Variants in RARS2 observed in about 807,000 individuals in gnomAD.
RARS2 encodes probable arginine--tRNA ligase, mitochondrial.
In RARS2, 67 loss-of-function variants were observed where a neutral mutation model predicts 88.5. The ratio of observed to expected loss-of-function variants is 0.76; its 90% CI spans 0.62 to 0.93. The LOEUF (loss-of-function observed/expected upper bound fraction) is 0.93. Ranked by LOEUF, RARS2 falls within the 40% of genes least tolerant of loss-of-function variation. The pLI, the probability that RARS2 is intolerant of heterozygous loss-of-function variation, is 0.00. For missense variants in RARS2, 664 were observed against 684.2 expected, an observed-to-expected ratio of 0.97 and a Z score of 0.33; for synonymous variants, 239 against 230.3, an observed-to-expected ratio of 1.04 and a Z score of -0.34.
chr6:87,526,620 T>C (rs1246004143), intron 10 of RARS2, among the ~76,000 whole-genome samples: 3 of 149,604 alleles, frequency 2.0e-5, no homozygotes, highest in East Asian at 3.9e-4. Flanking sequence ...ATAGGACCAA[T>C]GGAATAGAAT....
At chr6:87,574,015 C>A (rs1343219805) in intron 1 of RARS2, among the ~76,000 whole-genome samples, 1 of 152,228 alleles carries the variant, frequency 6.6e-6, no homozygotes, top group Non-Finnish European at 1.5e-5. Flanking sequence ...CACCCCAAAT[C>A]TGGAGAAAAA....
intron 8 of RARS2, among the ~76,000 whole-genome samples, chr6:87,532,173 G>A (rs1037321886): frequency 6.6e-6 from 1 of 152,078 alleles, no homozygotes; most frequent in Non-Finnish European, 1.5e-5. Context: ...TGGAATGACA[G>A]ACTTAAATAA....
chr6:87,550,789 C>A (rs1243757958), intron 5 of RARS2, among the ~76,000 whole-genome samples: 12 of 118,392 alleles, frequency 1.0e-4, no homozygotes, highest in South Asian at 2.6e-4. Flanking sequence ...ATTAAAGGAA[C>A]ATAAAATACA....
intron 4 of RARS2, among the ~76,000 whole-genome samples, chr6:87,556,618 C>A (rs541258588): frequency 6.6e-6 from 1 of 151,788 alleles, no homozygotes; most frequent in Non-Finnish European, 1.5e-5. Flanking sequence ...AACCCCATCT[C>A]TACTAAAAAA....
chr6:87,567,246 C>T (rs992562607), intron 2 of RARS2, among the ~76,000 whole-genome samples: 13 of 74,516 alleles, frequency 1.7e-4, no homozygotes, highest in African/African-American at 1.5e-4. Flanking sequence ...AGCAAGATTC[C>T]GCCTCAAAAA....
At chr6:87,524,824 T>C (rs1775136583) in intron 10 of RARS2, among the ~76,000 whole-genome samples, 172 bp from the exon 11 acceptor site, 1 of 152,158 alleles carries the variant, frequency 6.6e-6, no homozygotes, top group South Asian at 2.1e-4. Flanking sequence ...TGACCAAGAA[T>C]CTCTTATGAA....
At position 87,536,601 on chromosome 6, in the gene RARS2, C is replaced by T. The variant is rs369589076; in HGVS notation, c.612+5317G>A. ...GCAGTGAGCTGAGATCACGCCACTGCACTCCAGCCTGGGCAACAGGGCAAG... is the reference window on the plus strand; with the variant it reads ...GCAGTGAGCTGAGATCACGCCACTGTACTCCAGCCTGGGCAACAGGGCAAG... On this transcript the variant is annotated intron_variant, in intron 8 of 19. Coordinates refer to ENST00000369536, the MANE Select transcript of RARS2 (RefSeq NM_020320.5). Among the ~76,000 whole-genome samples the T allele has an allele frequency of 3.1e-3, 457 of 148,660 alleles. 1 individual carries two copies. Among genetic ancestry groups the T allele is most frequent in the African/African-American group, 0.01 (419 of 40,098 alleles).
At chr6:87,558,719 G>A (rs1786813320) in intron 4 of RARS2, among the ~76,000 whole-genome samples, 1 of 152,142 alleles carries the variant, frequency 6.6e-6, no homozygotes, top group Non-Finnish European at 1.5e-5. Flanking sequence ...TAGGCTGCCA[G>A]TCAAATAAAA....
At chr6:87,547,767 G>C (rs1783022407) in intron 6 of RARS2, among the ~76,000 whole-genome samples, 1 of 151,796 alleles carries the variant, frequency 6.6e-6, no homozygotes, top group Non-Finnish European at 1.5e-5. Flanking sequence ...AGCCTCCTGA[G>C]TAGCTGGGAT....
Position 87,532,911 on chromosome 6 carries a change from G to C in RARS2, c.613-1969C>G, listed in dbSNP as rs72922546. On this transcript the variant is annotated intron_variant, in intron 8 of 19. Coordinates refer to ENST00000369536, the MANE Select transcript of RARS2 (RefSeq NM_020320.5). ...AAGGGTCCCCATAAGATAGTAAACT[G>C]CGGACTTCTTGACTTTTGAATGACA... Among the ~76,000 whole-genome samples the C allele has an allele frequency of 7.7e-3, 1,166 of 152,266 alleles. 16 individuals carry two copies. Among genetic ancestry groups the C allele is most frequent in the Non-Finnish European group, 0.013 (870 of 68,018 alleles).
At chr6:87,561,424 C>G (rs2128165707) in intron 4 of RARS2, among the ~76,000 whole-genome samples, 1 of 152,250 alleles carries the variant, frequency 6.6e-6, no homozygotes, top group Admixed American at 6.5e-5. Flanking sequence ...CCTCTTCTTT[C>G]CCTTTAAAAA....
chr6:87,536,399 G>C (rs1231763249), intron 8 of RARS2, among the ~76,000 whole-genome samples: 2 of 152,068 alleles, frequency 1.3e-5, no homozygotes, highest in Non-Finnish European at 2.9e-5. Flanking sequence ...CATTTTGTGA[G>C]GCCAAGGTGG....
At chr6:87,546,018 AT>A (rs1782532654) in intron 6 of RARS2, among the ~76,000 whole-genome samples, 3 of 152,030 alleles carry the variant, frequency 2.0e-5, no homozygotes, top group Admixed American at 6.6e-5. Flanking sequence ...AAAAAAAAAA[AT>A]CCCAGTAATT....
At chr6:87,579,285 T>G (rs1184234194) in intron 1 of RARS2, among the ~76,000 whole-genome samples, 2 of 152,078 alleles carry the variant, frequency 1.3e-5, no homozygotes, top group Non-Finnish European at 2.9e-5. Flanking sequence ...GTGCAAATAT[T>G]TTGATTTAAT....
At chr6:87,517,464 T>C (rs1250419468) in intron 17 of RARS2, among the ~76,000 whole-genome samples, 1 of 152,208 alleles carries the variant, frequency 6.6e-6, no homozygotes, top group East Asian at 1.9e-4. Context: ...CAGCCATGTT[T>C]AAGAATATAA....
chr6:87,574,542 T>C (rs1582816128), intron 1 of RARS2, among the ~76,000 whole-genome samples: 1 of 151,890 alleles, frequency 6.6e-6, no homozygotes, highest in Non-Finnish European at 1.5e-5. Context: ...GCATCACCAA[T>C]AGGTGATCAA....
rs149846820 is a variant in RARS2 at position 87,573,538 on chromosome 6, T to C, written c.37-3948A>G. 4.3e-3 allele frequency among the ~76,000 whole-genome samples: 661 copies of C among 152,138 alleles called. 7 individuals carry two copies. Among genetic ancestry groups the C allele is most frequent in the African/African-American group, 0.015 (623 of 41,492 alleles). The stretch of plus-strand genomic sequence containing the variant: ...GAATGTGGAGTTATTGTTTAATGGG[T>C]AGAGAGTTTTAGTTGTGCAAGATGA... On this transcript the variant is annotated intron_variant, in intron 1 of 19. Transcript: ENST00000369536.
At chr6:87,588,591 TCTCGAACTCCTGGG>T (rs2128234964) in intron 1 of RARS2, among the ~76,000 whole-genome samples, 1 of 152,264 alleles carries the variant, frequency 6.6e-6, no homozygotes, top group South Asian at 2.1e-4. Flanking sequence ...TCCACGCTGG[TCTCGAACTCCTGGG>T]CTCAAGCCAT....
At chr6:87,515,516 T>C (rs1771333969) in intron 18 of RARS2, among the ~76,000 whole-genome samples, 1 of 149,808 alleles carries the variant, frequency 6.7e-6, no homozygotes, top group Non-Finnish European at 1.5e-5. Flanking sequence ...CGAGACTCTG[T>C]CTCAAAAAAA....
Sources: gnomAD v4.1 joint callset for allele counts (sites outside exome capture counted in the v4.1 genomes callset) on GRCh38, gnomAD v4.1.1 for gene constraint, MANE v1.5 for transcripts, NCBI Gene and HGNC (gene_info 2026-07-23, HGNC 2026-07-21) for gene names.